The following MDGA2 variants were observed in gnomAD, a reference collection of about 807,000 sequenced individuals.
MDGA2 encodes MAM domain-containing glycosylphosphatidylinositol anchor protein 2.
MDGA2 carries 40 observed loss-of-function variants against 117.8 expected under a neutral mutation model. That is an observed-to-expected ratio of 0.34 (90% confidence interval 0.26 to 0.44). MDGA2 has a LOEUF of 0.44. Ranked by LOEUF, MDGA2 falls within the 20% of genes least tolerant of loss-of-function variation. The pLI is 1.00. For missense variants in MDGA2, 1,123 were observed against 1,250.6 expected, an observed-to-expected ratio of 0.90 and a Z score of 1.54; for synonymous variants, 452 against 439.0, an observed-to-expected ratio of 1.03 and a Z score of -0.37.
At chr14:46,945,284 T>C (rs1386705537) in intron 9 of MDGA2, among the ~76,000 whole-genome samples, 1 of 152,096 alleles carries the variant, frequency 6.6e-6, no homozygotes. Context: ...CAGAGCTTGG[T>C]GTTAGTCTTT....
intron 1 of MDGA2, among the ~76,000 whole-genome samples, chr14:47,570,916 A>G (rs1896007108): frequency 6.6e-6 from 1 of 152,236 alleles, no homozygotes; most frequent in African/African-American, 2.4e-5. Flanking sequence ...GGACCTGATT[A>G]AACTACAGAG....
intron 1 of MDGA2, among the ~76,000 whole-genome samples, chr14:47,664,994 T>C (rs891679108): frequency 6.6e-6 from 1 of 152,150 alleles, no homozygotes; most frequent in African/African-American, 2.4e-5. Context: ...TACAATAAAA[T>C]TGTATGATGA....
chr14:47,608,214 T>A (rs1896776167), intron 1 of MDGA2, among the ~76,000 whole-genome samples: 3 of 152,242 alleles, frequency 2.0e-5, no homozygotes, highest in Middle Eastern at 6.8e-3. Context: ...GACACTGGCT[T>A]AGGAATAAGC....
intron 1 of MDGA2, among the ~76,000 whole-genome samples, chr14:47,548,804 G>A (rs1264361965): frequency 6.6e-6 from 1 of 151,936 alleles, no homozygotes; most frequent in Non-Finnish European, 1.5e-5. Context: ...GAAGTATGGC[G>A]GACATTATCA....
intron 1 of MDGA2, among the ~76,000 whole-genome samples, chr14:47,498,076 T>C (rs1894319452): frequency 6.6e-6 from 1 of 152,166 alleles, no homozygotes; most frequent in Non-Finnish European, 1.5e-5. Flanking sequence ...ATACTCTATT[T>C]TGGGTACTTT....
intron 1 of MDGA2, among the ~76,000 whole-genome samples, chr14:47,650,249 C>T (rs981100238): frequency 2.0e-5 from 3 of 152,176 alleles, no homozygotes; most frequent in Non-Finnish European, 2.9e-5. Context: ...GCTGGAACTA[C>T]GTCCTCAGCT....
chr14:47,601,940 T>G (rs1216573646), intron 1 of MDGA2, among the ~76,000 whole-genome samples: 2 of 152,194 alleles, frequency 1.3e-5, no homozygotes, highest in East Asian at 3.9e-4. Context: ...TTCGGAGTTT[T>G]GATTTAGGCT....
intron 1 of MDGA2, among the ~76,000 whole-genome samples, chr14:47,523,642 C>T (rs1248758781): frequency 6.6e-6 from 1 of 152,088 alleles, no homozygotes; most frequent in African/African-American, 2.4e-5. Flanking sequence ...GCAAAGGCAC[C>T]TGCACTTTGC....
intron 3 of MDGA2, among the ~76,000 whole-genome samples, chr14:47,158,669 G>T (rs1260909400): frequency 6.6e-6 from 1 of 152,006 alleles, no homozygotes; most frequent in Non-Finnish European, 1.5e-5. Flanking sequence ...TGGCCAGGCT[G>T]GTCTCAAACT....
intron 3 of MDGA2, among the ~76,000 whole-genome samples, chr14:47,171,027 T>A (rs1025024944): frequency 6.6e-6 from 1 of 152,178 alleles, no homozygotes; most frequent in Non-Finnish European, 1.5e-5. Flanking sequence ...TTAATAAATA[T>A]AGGCTAATTC....
chr14:47,592,988 T>C (rs1896469423), intron 1 of MDGA2, among the ~76,000 whole-genome samples: 1 of 152,052 alleles, frequency 6.6e-6, no homozygotes, highest in South Asian at 2.1e-4. Flanking sequence ...AATCTATCCA[T>C]CTGACAAAGG....
intron 6 of MDGA2, among the ~76,000 whole-genome samples, chr14:47,092,092 G>C (rs866395750): frequency 1.3e-5 from 2 of 152,082 alleles, no homozygotes; most frequent in Non-Finnish European, 2.9e-5. Context: ...CTAAAAGAGG[G>C]GCTACAGTGG....
At chr14:47,084,652 CT>C (rs1566614689) in intron 6 of MDGA2, among the ~76,000 whole-genome samples, 3 of 152,092 alleles carry the variant, frequency 2.0e-5, no homozygotes, top group Non-Finnish European at 4.4e-5. Context: ...GGACGTGGAG[CT>C]TTTCAGAAGG....
intron 2 of MDGA2, among the ~76,000 whole-genome samples, chr14:47,248,263 AG>A (rs1313681216): frequency 6.6e-6 from 1 of 151,660 alleles, no homozygotes; most frequent in Non-Finnish European, 1.5e-5. Flanking sequence ...GAGAGTAAAA[AG>A]GATGAATTTA....
At chr14:46,971,805 T>C (rs1477386955) in intron 8 of MDGA2, among the ~76,000 whole-genome samples, 1 of 152,138 alleles carries the variant, frequency 6.6e-6, no homozygotes, top group Non-Finnish European at 1.5e-5. Flanking sequence ...ATAGCCCAGA[T>C]ACCCTGACTT....
At chr14:47,385,089 A>G (rs538152982) in intron 1 of MDGA2, among the ~76,000 whole-genome samples, 148 of 152,284 alleles carry the variant, frequency 9.7e-4, no homozygotes, top group Non-Finnish European at 1.7e-3. Flanking sequence ...CCCTAGTTGA[A>G]CATAATACTG....
At chr14:47,502,995 T>C (rs909060193) in intron 1 of MDGA2, among the ~76,000 whole-genome samples, 8 of 152,134 alleles carry the variant, frequency 5.3e-5, no homozygotes, top group African/African-American at 1.7e-4. Context: ...TACTTTTTAA[T>C]ATATATTATG....
intron 7 of MDGA2, 151 bp downstream of exon 7, chr14:47,061,098 C>A: frequency 1.6e-6 from 1 of 617,716 alleles, no homozygotes; most frequent in South Asian, 2.3e-5. Context: ...GTTTCAGAAC[C>A]TAGTATTCAT....
chr14:47,348,613 G>A (rs1890813653), intron 1 of MDGA2, among the ~76,000 whole-genome samples: 2 of 152,138 alleles, frequency 1.3e-5, no homozygotes, highest in Admixed American at 1.3e-4. Flanking sequence ...AAAAAGGGAT[G>A]AAATCCTTTG....
Sources: gnomAD v4.1 joint callset for allele counts (sites outside exome capture counted in the v4.1 genomes callset) on GRCh38, gnomAD v4.1.1 for gene constraint, MANE v1.5 for transcripts, NCBI Gene and HGNC (gene_info 2026-07-23, HGNC 2026-07-21) for gene names.